The following PGBD5 variants were observed in gnomAD, a reference collection of about 807,000 sequenced individuals.
PGBD5 encodes the protein piggyBac transposable element-derived protein 5.
PGBD5 carries 14 observed loss-of-function variants against 47.9 expected under a neutral mutation model. That is an observed-to-expected ratio of 0.29 (90% confidence interval 0.19 to 0.46). The LOEUF is 0.46. PGBD5 is among the 20% of genes least tolerant of loss of function. The pLI is 1.00. For missense variants in PGBD5, 635 were observed against 716.0 expected (o/e 0.89, Z 1.29); for synonymous variants, 316 against 306.3 (o/e 1.03, Z -0.33).
At chr1:230,422,111 C>T (rs889307056) in intron 1 of PGBD5, among the ~76,000 whole-genome samples, 2 of 151,988 alleles carry the variant, frequency 1.3e-5, no homozygotes, top group African/African-American at 4.8e-5. Context: ...TACACACACA[C>T]AAATATATAT....
At chr1:230,396,400 A>C (rs1443705643) in intron 1 of PGBD5, among the ~76,000 whole-genome samples, 86 of 46,324 alleles carry the variant, frequency 1.9e-3, no homozygotes, top group Admixed American at 2.5e-3. Flanking sequence ...CCTCCCTTTC[A>C]CTCTCCACCC....
At position 230,357,219 on chromosome 1, in the gene PGBD5, T is replaced by C. The variant is rs759851137; in HGVS notation, c.434A>G (p.Tyr145Cys). Residue 145 changes from tyrosine to cysteine, a missense_variant, in exon 2 of 7, where the codon TAT becomes TGT. Transcript: ENST00000391860. The surrounding 1 kb of genome is among the most constrained non-coding windows in gnomAD (Gnocchi z 5.7). ...AAACCGCTCCTGGAACTTCTTGGCATACATGTTTGTCTGCACCACCATGTT... is the reference window on the plus strand; with the variant it reads ...AAACCGCTCCTGGAACTTCTTGGCACACATGTTTGTCTGCACCACCATGTT... ...LKNMVVQTNMYAKKFQERFGS... is the reference protein window; with the variant it reads ...LKNMVVQTNMCAKKFQERFGS... The C allele has an allele frequency of 3.1e-6, 5 of 1,614,130 alleles. No individual in the cohort carries two copies. The highest frequency in any genetic ancestry group is 4.2e-6 in the Non-Finnish European group (5 of 1,180,020).
intron 3 of PGBD5, among the ~76,000 whole-genome samples, chr1:230,348,180 C>G (rs1667504545): frequency 6.6e-6 from 1 of 152,232 alleles, no homozygotes; most frequent in Admixed American, 6.5e-5. Flanking sequence ...AGAAAATGTC[C>G]TGTGTACAGA....
chr1:230,394,280 C>T (rs1656868550), intron 1 of PGBD5, among the ~76,000 whole-genome samples: 1 of 151,784 alleles, frequency 6.6e-6, no homozygotes. Flanking sequence ...CTAAAAAACT[C>T]CACAGGGACC....
At chr1:230,350,349 CA>C (rs1186480326) in intron 3 of PGBD5, among the ~76,000 whole-genome samples, 1 of 152,222 alleles carries the variant, frequency 6.6e-6, no homozygotes, top group Non-Finnish European at 1.5e-5. Context: ...AGTATCATCA[CA>C]AAAAGCAGAG....
At chr1:230,367,808 A>G (rs1334583469) in intron 1 of PGBD5, 7 of 1,092,884 alleles carry the variant, frequency 6.4e-6, no homozygotes, top group Non-Finnish European at 8.4e-6. Flanking sequence ...GAGGCTCTTC[A>G]TCATATCAAC....
intron 3 of PGBD5, among the ~76,000 whole-genome samples, chr1:230,348,988 G>C (rs1336936155): frequency 6.6e-6 from 1 of 152,216 alleles, no homozygotes; most frequent in African/African-American, 2.4e-5. Context: ...CTTTCACGCT[G>C]CTGCAAAACC....
chr1:230,374,838 C>T (rs1184924696), intron 1 of PGBD5, among the ~76,000 whole-genome samples: 1 of 152,178 alleles, frequency 6.6e-6, no homozygotes, highest in Non-Finnish European at 1.5e-5. Context: ...TCTGCCTCAG[C>T]GTCAACTTAT....
At chr1:230,361,625 G>A (rs1225462821) in intron 1 of PGBD5, among the ~76,000 whole-genome samples, 1 of 152,196 alleles carries the variant, frequency 6.6e-6, no homozygotes, top group Non-Finnish European at 1.5e-5. Flanking sequence ...CCTCTTCTCA[G>A]CAGTGACTAG....
At chr1:230,329,124 G>A (rs547769004) in intron 5 of PGBD5, among the ~76,000 whole-genome samples, 4 of 150,758 alleles carry the variant, frequency 2.7e-5, no homozygotes, top group South Asian at 2.1e-4. Context: ...TTTTTTTTTG[G>A]GGGGGGAGGT....
At chr1:230,337,337 T>C in intron 3 of PGBD5, 49 bp from the exon 4 acceptor site, 1 of 1,511,912 alleles carries the variant, frequency 6.6e-7, no homozygotes, top group Non-Finnish European at 8.9e-7. Flanking sequence ...AGTGTCAGGC[T>C]GGGAGCCCGA....
At chr1:230,391,707 T>C (rs561917427) in intron 1 of PGBD5, among the ~76,000 whole-genome samples, 3 of 152,358 alleles carry the variant, frequency 2.0e-5, no homozygotes, top group Non-Finnish European at 4.4e-5. Context: ...CTACTGTATT[T>C]TGGTGCACTT....
rs535032399 is a variant in PGBD5, at chr1:230,357,835, G to GT, written c.332-515dup. Reference sequence around the variant, plus strand: ...TATAAATGTATACATCAACATGTAAGTTTTAAAATTAAAATGTGCATATTT... The same window carrying GT: ...TATAAATGTATACATCAACATGTAAGTTTTTAAAATTAAAATGTGCATATTT... On this transcript the variant is annotated intron_variant, in intron 1 of 6. Transcript: ENST00000391860. The surrounding 1 kb of genome is among the most constrained non-coding windows in gnomAD (Gnocchi z 5.7). Among the ~76,000 whole-genome samples the GT allele has an allele frequency of 4.3e-4, 66 of 152,250 alleles. No homozygotes were observed. The highest frequency in any genetic ancestry group is 7.9e-4 in the Non-Finnish European group (54 of 68,036).
chr1:230,371,015 T>G (rs958855076), intron 1 of PGBD5, among the ~76,000 whole-genome samples: 3 of 152,152 alleles, frequency 2.0e-5, no homozygotes, highest in African/African-American at 7.2e-5. Context: ...ACTGGGGCAC[T>G]CATAGACCCT....
chr1:230,409,476 T>A lies in PGBD5; in HGVS notation c.331+16122A>T, dbSNP rs149038719. Among the ~76,000 whole-genome samples, 4 of 152,258 alleles carry A rather than the reference T, an allele frequency of 2.6e-5. No individual in the cohort carries two copies. In the East Asian group the frequency reaches 5.8e-4, roughly 22 times the overall value. On this transcript the variant is annotated intron_variant, in intron 1 of 6. Coordinates refer to ENST00000391860, the MANE Select transcript of PGBD5 (RefSeq NM_001258311.2). ...CCCAAATGTTCAACTGATGAATAAA[T>A]AAAATGTGGTATATACACTCAATGG...
intron 1 of PGBD5, among the ~76,000 whole-genome samples, chr1:230,390,926 G>C (rs1327943568): frequency 1.3e-5 from 2 of 152,108 alleles, no homozygotes; most frequent in Non-Finnish European, 2.9e-5. Flanking sequence ...TTTTAGTAGA[G>C]ACAGGGTTTC....
chr1:230,400,882 A>T (rs1241088103), intron 1 of PGBD5, among the ~76,000 whole-genome samples: 2 of 152,218 alleles, frequency 1.3e-5, no homozygotes, highest in African/African-American at 2.4e-5. Flanking sequence ...AATGTTCACA[A>T]CTGCCTTGCA....
At chr1:230,325,811 G>A (rs1667107612) in intron 5 of PGBD5, among the ~76,000 whole-genome samples, 1 of 152,046 alleles carries the variant, frequency 6.6e-6, no homozygotes, top group Non-Finnish European at 1.5e-5. Context: ...GCTGGGTGAG[G>A]GATGCTAGGA....
At chr1:230,372,904 T>G (rs1374358871) in intron 1 of PGBD5, among the ~76,000 whole-genome samples, 1 of 152,154 alleles carries the variant, frequency 6.6e-6, no homozygotes, top group East Asian at 1.9e-4. Context: ...TCCTCTGTGG[T>G]GCGTCCCCCT....
Sources: allele counts gnomAD v4.1 joint callset (sites outside exome capture counted in the v4.1 genomes callset), GRCh38; gene constraint gnomAD v4.1.1; non-coding constraint Gnocchi (gnomAD v3.1); transcripts MANE v1.5; gene names NCBI Gene and HGNC (gene_info 2026-07-23, HGNC 2026-07-21).